Variants in PTPRT observed in about 807,000 individuals in gnomAD.
The protein encoded by PTPRT is protein tyrosine phosphatase receptor type T, also known as receptor-type tyrosine-protein phosphatase T.
A neutral mutation model predicts 176.8 loss-of-function variants in PTPRT; 56 were observed. That is an observed-to-expected ratio of 0.32 (90% CI 0.26 to 0.40). The LOEUF is 0.40. Ranked by LOEUF, PTPRT falls within the 10% of genes least tolerant of loss-of-function variation. The pLI is 1.00. For synonymous variants in PTPRT, 783 were observed against 739.0 expected (o/e 1.06, Z -0.96); for missense variants, 1,540 against 1,908.2 (o/e 0.81, Z 3.60).
At chr20:42,938,681 C>T (rs145285533) in intron 1 of PTPRT, among the ~76,000 whole-genome samples, 1,645 of 152,288 alleles carry the variant, frequency 0.011, 12 homozygotes, top group Non-Finnish European at 0.017. Context: ...CCCTCCCCCC[C>T]ATGCTTGCTA....
chr20:43,087,163 T>A (rs957748497), intron 1 of PTPRT, among the ~76,000 whole-genome samples: 33 of 152,188 alleles, frequency 2.2e-4, no homozygotes, highest in Admixed American at 2.6e-4. Context: ...TCTCTATAGT[T>A]TTTTCTTTTC....
At chr20:42,362,596 C>A (rs889244301) in intron 9 of PTPRT, among the ~76,000 whole-genome samples, 4 of 151,964 alleles carry the variant, frequency 2.6e-5, no homozygotes, top group African/African-American at 9.7e-5. Context: ...GACTGGAAAA[C>A]GACATTAGTG....
At chr20:42,666,262 A>G (rs898638294) in intron 7 of PTPRT, among the ~76,000 whole-genome samples, 1 of 152,138 alleles carries the variant, frequency 6.6e-6, no homozygotes, top group Admixed American at 6.5e-5. Context: ...TTGGCACTCT[A>G]TATGTATGAG....
chr20:42,329,504 T>TACACAC (rs1254341273), intron 11 of PTPRT, among the ~76,000 whole-genome samples: 5 of 121,154 alleles, frequency 4.1e-5, no homozygotes, highest in African/African-American at 1.5e-4. Context: ...CACACACACA[T>TACACAC]ACACACACAC....
intron 1 of PTPRT, among the ~76,000 whole-genome samples, chr20:43,131,001 A>G (rs935464614): frequency 1.3e-5 from 2 of 152,230 alleles, no homozygotes; most frequent in Admixed American, 6.5e-5. Flanking sequence ...CCTGACGCCT[A>G]CAACAGTTTG....
chr20:42,416,038 G>C (rs8118609), intron 9 of PTPRT, among the ~76,000 whole-genome samples: 2 of 152,178 alleles, frequency 1.3e-5, no homozygotes, highest in Non-Finnish European at 2.9e-5. Context: ...AGATACATCT[G>C]CTCAGAACCT....
At chr20:42,807,657 C>T (rs1487199603) in intron 2 of PTPRT, among the ~76,000 whole-genome samples, 1 of 152,166 alleles carries the variant, frequency 6.6e-6, no homozygotes, top group African/African-American at 2.4e-5. Flanking sequence ...AAAGCATAGA[C>T]AACAGGTGTG....
At chr20:42,668,618 G>C (rs1211015859) in intron 7 of PTPRT, among the ~76,000 whole-genome samples, 1 of 152,086 alleles carries the variant, frequency 6.6e-6, no homozygotes, top group Non-Finnish European at 1.5e-5. Flanking sequence ...TGCGACAGTG[G>C]GAGGGGAGAG....
chr20:43,096,647 T>C (rs1178456106), intron 1 of PTPRT, among the ~76,000 whole-genome samples: 2 of 152,206 alleles, frequency 1.3e-5, no homozygotes, highest in Non-Finnish European at 2.9e-5. Flanking sequence ...CCTGGAATAC[T>C]AAACAGGGCC....
intron 7 of PTPRT, among the ~76,000 whole-genome samples, chr20:42,528,158 G>T (rs992411791): frequency 3.9e-5 from 6 of 151,984 alleles, no homozygotes; most frequent in African/African-American, 1.2e-4. Flanking sequence ...TCGGGTGTTT[G>T]CATATTTAGT....
intron 9 of PTPRT, among the ~76,000 whole-genome samples, chr20:42,408,382 G>A (rs182449510): frequency 7.9e-5 from 12 of 152,118 alleles, no homozygotes; most frequent in African/African-American, 2.7e-4. Context: ...AGTAAAACCC[G>A]TGCGTGTGTG....
intron 22 of PTPRT, 131 bp downstream of exon 22, chr20:42,115,068 T>C (rs1987199521): frequency 1.5e-6 from 1 of 674,208 alleles, no homozygotes; most frequent in Non-Finnish European, 2.7e-6. Flanking sequence ...TCTGCCCTGA[T>C]TGCTGATCTG....
At chr20:42,765,774 T>C (rs1038513127) in intron 5 of PTPRT, among the ~76,000 whole-genome samples, 8 of 152,090 alleles carry the variant, frequency 5.3e-5, no homozygotes, top group African/African-American at 1.7e-4. Flanking sequence ...TATGACTCTA[T>C]AACTCATCCT....
chr20:42,159,370 A>G (rs1600607895), intron 17 of PTPRT, among the ~76,000 whole-genome samples: 2 of 151,736 alleles, frequency 1.3e-5, no homozygotes, highest in African/African-American at 4.8e-5. Context: ...CATGCTGTCT[A>G]TAGAATCTTG....
intron 1 of PTPRT, among the ~76,000 whole-genome samples, chr20:42,923,226 G>A (rs2145957463): frequency 6.6e-6 from 1 of 152,264 alleles, no homozygotes; most frequent in Admixed American, 6.5e-5. Flanking sequence ...TGGGTTCACA[G>A]GTGACATAAA....
At chr20:42,912,368 C>G (rs206670) in intron 1 of PTPRT, among the ~76,000 whole-genome samples, 1 of 152,112 alleles carries the variant, frequency 6.6e-6, no homozygotes, top group Admixed American at 6.5e-5. Context: ...CATTTGTAAA[C>G]TGCCTGGTTA....
At chr20:42,593,501 C>A (rs1216437628) in intron 7 of PTPRT, among the ~76,000 whole-genome samples, 2 of 152,142 alleles carry the variant, frequency 1.3e-5, no homozygotes, top group Non-Finnish European at 2.9e-5. Context: ...TTACTTATTG[C>A]CATTTAGACT....
intron 1 of PTPRT, among the ~76,000 whole-genome samples, chr20:42,902,368 T>C (rs2079417167): frequency 6.6e-6 from 1 of 152,124 alleles, no homozygotes; most frequent in South Asian, 2.1e-4. Flanking sequence ...TCTGTGGAAC[T>C]CTGGAGTGCC....
chr20:42,444,171 T>C (rs1381059054), intron 9 of PTPRT, among the ~76,000 whole-genome samples: 1 of 152,228 alleles, frequency 6.6e-6, no homozygotes, highest in Non-Finnish European at 1.5e-5. Context: ...GTCTCCTTTT[T>C]ACTACATTTT....
Sources: gnomAD v4.1 joint callset for allele counts (sites outside exome capture counted in the v4.1 genomes callset) on GRCh38, gnomAD v4.1.1 for gene constraint, MANE v1.5 for transcripts, NCBI Gene and HGNC (gene_info 2026-07-23, HGNC 2026-07-21) for gene names.